Variants in GPC5 observed in about 807,000 individuals in gnomAD.
The protein encoded by GPC5 is glypican-5.
Under a neutral mutation model 53.9 loss-of-function variants are expected in GPC5, and 47 were observed. That is an observed-to-expected ratio of 0.87 (90% CI 0.69 to 1.11). GPC5 has a LOEUF of 1.11. Ranked by LOEUF, GPC5 falls within the 50% of genes most tolerant of loss-of-function variation. GPC5 has a pLI of 0.00. For missense variants in GPC5, 748 were observed against 713.1 expected, an observed-to-expected ratio of 1.05 and a Z score of -0.56; for synonymous variants, 286 against 263.3, an observed-to-expected ratio of 1.09 and a Z score of -0.84.
At chr13:92,721,054 T>C (rs1209484245) in intron 7 of GPC5, among the ~76,000 whole-genome samples, 1 of 152,022 alleles carries the variant, frequency 6.6e-6, no homozygotes, top group African/African-American at 2.4e-5. Context: ...GATAAAGGTA[T>C]AGTAAGAATC....
chr13:92,678,363 T>C (rs1309281600), intron 7 of GPC5, among the ~76,000 whole-genome samples: 8 of 152,130 alleles, frequency 5.3e-5, no homozygotes, highest in African/African-American at 1.7e-4. Context: ...AGAAGGCGCA[T>C]AAAGAGTTCT....
At chr13:92,712,730 A>C (rs920422953) in intron 7 of GPC5, among the ~76,000 whole-genome samples, 1 of 152,228 alleles carries the variant, frequency 6.6e-6, no homozygotes, top group Non-Finnish European at 1.5e-5. Context: ...GTCCTAACCC[A>C]GAGTACCTTA....
At chr13:92,207,392 C>T (rs961824463) in intron 7 of GPC5, among the ~76,000 whole-genome samples, 1 of 152,166 alleles carries the variant, frequency 6.6e-6, no homozygotes, top group African/African-American at 2.4e-5. Context: ...TTCCTGCACC[C>T]ACAGCTGCAG....
chr13:91,762,383 C>G (rs1165159615), intron 5 of GPC5, among the ~76,000 whole-genome samples: 2 of 151,810 alleles, frequency 1.3e-5, no homozygotes, highest in African/African-American at 4.8e-5. Flanking sequence ...TTCTTCCTGA[C>G]CTTACAGCAT....
At chr13:92,183,079 T>C (rs2139038033) in intron 7 of GPC5, among the ~76,000 whole-genome samples, 1 of 152,308 alleles carries the variant, frequency 6.6e-6, no homozygotes, top group East Asian at 1.9e-4. Flanking sequence ...AGAGGTAAAG[T>C]TGGTTTATTG....
chr13:92,545,934 A>G (rs1882094517), intron 7 of GPC5, among the ~76,000 whole-genome samples: 1 of 151,906 alleles, frequency 6.6e-6, no homozygotes. Flanking sequence ...ATTAGATCCC[A>G]TTTGTCAATT....
intron 5 of GPC5, among the ~76,000 whole-genome samples, chr13:91,785,892 T>G (rs1223696834): frequency 6.6e-6 from 1 of 152,178 alleles, no homozygotes; most frequent in East Asian, 1.9e-4. Flanking sequence ...TTCCAACTAC[T>G]CTCCCTACTT....
chr13:92,341,691 G>C (rs1341714480), intron 7 of GPC5, among the ~76,000 whole-genome samples: 2 of 152,076 alleles, frequency 1.3e-5, no homozygotes, highest in Admixed American at 6.6e-5. Flanking sequence ...TGATTTGGGA[G>C]GTTGAGAAGG....
At chr13:91,716,016 C>T (rs1044634769) in intron 3 of GPC5, among the ~76,000 whole-genome samples, 4 of 151,988 alleles carry the variant, frequency 2.6e-5, no homozygotes, top group African/African-American at 4.8e-5. Context: ...TGACCTCAAG[C>T]GATTCTTCCA....
intron 7 of GPC5, among the ~76,000 whole-genome samples, chr13:92,626,249 G>T (rs1885041759): frequency 1.3e-5 from 2 of 152,208 alleles, no homozygotes; most frequent in South Asian, 4.2e-4. Flanking sequence ...GAAAATATTA[G>T]GTTTGAAGGG....
In GPC5 at chr13:92,347,902, ATATATATATAATATATATATAT is replaced by A. The variant is rs2043436217; in HGVS notation, c.1561+202922_1561+202943del. ...ATATATTATATATATTATATATATAATATATATATAATATATATATATTATATATACATCTTATATGTAAACC... is the reference window on the plus strand; with the variant it reads ...ATATATTATATATATTATATATATAATATATATACATCTTATATGTAAACC... On this transcript the variant is annotated intron_variant, in intron 7 of 7. Transcript: ENST00000377067. 1.8e-4 allele frequency among the ~76,000 whole-genome samples: 2 copies of A among 10,924 alleles called. 1 individual carries two copies. The highest frequency in any genetic ancestry group is 2.4e-4 in the Non-Finnish European group (2 of 8,206). The allele number at this position is 10,924 out of a possible 152,430, so 7.2% of individuals were successfully genotyped here.
intron 7 of GPC5, among the ~76,000 whole-genome samples, chr13:92,620,046 A>AT (rs1476921194): frequency 6.6e-6 from 1 of 152,106 alleles, no homozygotes; most frequent in Non-Finnish European, 1.5e-5. Context: ...CAGAGTTAGT[A>AT]TTATTATCCT....
chr13:91,422,922 A>C (rs1056361158), intron 1 of GPC5, among the ~76,000 whole-genome samples: 1 of 152,236 alleles, frequency 6.6e-6, no homozygotes, highest in African/African-American at 2.4e-5. Context: ...TAAAGGCCTC[A>C]TGTCTTAATA....
intron 7 of GPC5, among the ~76,000 whole-genome samples, chr13:92,637,223 G>A (rs1372954483): frequency 6.6e-6 from 1 of 152,114 alleles, no homozygotes; most frequent in African/African-American, 2.4e-5. Flanking sequence ...CTAATCGATT[G>A]CAAAATTTAG....
At chr13:92,531,123 A>C (rs954436578) in intron 7 of GPC5, among the ~76,000 whole-genome samples, 2 of 152,178 alleles carry the variant, frequency 1.3e-5, no homozygotes, top group Non-Finnish European at 2.9e-5. Context: ...TTAGATGTTG[A>C]AACTTGGCAG....
chr13:92,008,912 T>C (rs1015728212), intron 6 of GPC5, among the ~76,000 whole-genome samples: 12 of 152,190 alleles, frequency 7.9e-5, no homozygotes, highest in African/African-American at 2.2e-4. Flanking sequence ...TGCTATGTCT[T>C]CAAATTCACC....
chr13:91,811,897 A>G (rs1245155100), intron 5 of GPC5, among the ~76,000 whole-genome samples: 3 of 152,210 alleles, frequency 2.0e-5, no homozygotes, highest in Non-Finnish European at 4.4e-5. Context: ...CATCACAGCG[A>G]AGATCTAAAT....
chr13:91,627,604 G>T (rs1218286020), intron 2 of GPC5, among the ~76,000 whole-genome samples: 1 of 151,988 alleles, frequency 6.6e-6, no homozygotes, highest in Non-Finnish European at 1.5e-5. Context: ...TAATAAAAAG[G>T]ATTATTTGAT....
intron 7 of GPC5, among the ~76,000 whole-genome samples, chr13:92,152,128 C>T (rs959457559): frequency 2.0e-5 from 3 of 152,032 alleles, no homozygotes; most frequent in Non-Finnish European, 1.5e-5. Flanking sequence ...AAAAATGTTA[C>T]AATTGATTTT....
Sources: gnomAD v4.1 joint callset for allele counts (sites outside exome capture counted in the v4.1 genomes callset) on GRCh38, gnomAD v4.1.1 for gene constraint, MANE v1.5 for transcripts, NCBI Gene and HGNC (gene_info 2026-07-23, HGNC 2026-07-21) for gene names.